Variants in EPHB1 observed in about 807,000 individuals in gnomAD.
EPHB1 encodes the protein EPH receptor B1.
A neutral mutation model predicts 94.4 loss-of-function variants in EPHB1; 30 were observed. The observed-to-expected ratio is 0.32, with a 90% confidence interval of 0.24 to 0.43. The LOEUF is 0.43. EPHB1 is among the 20% of genes least tolerant of loss of function. The probability of loss-of-function intolerance (pLI) is 1.00; values close to 1 mark genes in which losing one functional copy is unlikely to be tolerated. For missense variants in EPHB1, 1,055 were observed against 1,308.3 expected (o/e 0.81, Z 2.99); for synonymous variants, 522 against 489.1 (o/e 1.07, Z -0.89).
At chr3:134,796,597 C>T (rs2108280689) in intron 1 of EPHB1, among the ~76,000 whole-genome samples, 1 of 152,372 alleles carries the variant, frequency 6.6e-6, no homozygotes, top group South Asian at 2.1e-4. Flanking sequence ...GCTCGCGAAT[C>T]CCTGTGGGAA....
At chr3:135,204,295 C>T (rs924826460) in intron 12 of EPHB1, among the ~76,000 whole-genome samples, 4 of 152,132 alleles carry the variant, frequency 2.6e-5, no homozygotes, top group Non-Finnish European at 4.4e-5. Context: ...CCTCTGCCTC[C>T]AGAGTTTAAG....
At chr3:135,088,601 G>A (rs180991283) in intron 3 of EPHB1, among the ~76,000 whole-genome samples, 1 of 152,252 alleles carries the variant, frequency 6.6e-6, no homozygotes, top group East Asian at 1.9e-4. Flanking sequence ...CCTCATAGTT[G>A]AAGATGGCTG....
At chr3:134,806,856 A>G (rs997388503) in intron 1 of EPHB1, among the ~76,000 whole-genome samples, 10 of 152,146 alleles carry the variant, frequency 6.6e-5, no homozygotes, top group Non-Finnish European at 7.4e-5. Context: ...TGTACATATA[A>G]TTTCAGGAAA....
At position 134,885,517 on chromosome 3, in the gene EPHB1, C is replaced by T. The variant is rs562177233; in HGVS notation, c.59-40299C>T. ...TGCCAACGTCCATGTATTTGAGAGG[C>T]AGTCCACCCCAGGTTTGAGGAGAGT... On this transcript the variant is annotated intron_variant, in intron 1 of 15. Coordinates refer to ENST00000398015, the MANE Select transcript of EPHB1 (RefSeq NM_004441.5). 2.4e-4 allele frequency among the ~76,000 whole-genome samples: 36 copies of T among 152,310 alleles called. No homozygotes were observed. The South Asian group carries it at 7.5e-3, about 32-fold the overall frequency.
intron 3 of EPHB1, among the ~76,000 whole-genome samples, chr3:135,097,723 G>A (rs1323839863): frequency 6.6e-6 from 1 of 152,216 alleles, no homozygotes; most frequent in African/African-American, 2.4e-5. Flanking sequence ...ACACAGCTAA[G>A]TGTCTCCTCT....
At chr3:135,036,087 G>C (rs1936636706) in intron 3 of EPHB1, among the ~76,000 whole-genome samples, 1 of 152,112 alleles carries the variant, frequency 6.6e-6, no homozygotes, top group Non-Finnish European at 1.5e-5. Flanking sequence ...CTCTCCAGTG[G>C]CTGCCAGGCT....
chr3:134,835,887 C>A (rs979606818), intron 1 of EPHB1, among the ~76,000 whole-genome samples: 9 of 152,186 alleles, frequency 5.9e-5, no homozygotes. Context: ...CCTGTGGGGT[C>A]CTTTGGTCAT....
chr3:135,042,054 G>T (rs1014963886), intron 3 of EPHB1, among the ~76,000 whole-genome samples: 1 of 152,182 alleles, frequency 6.6e-6, no homozygotes, highest in Admixed American at 6.5e-5. Flanking sequence ...TCAGCCACCT[G>T]AGTAGCTGAG....
At chr3:135,074,156 G>A (rs921411740) in intron 3 of EPHB1, among the ~76,000 whole-genome samples, 2 of 152,118 alleles carry the variant, frequency 1.3e-5, no homozygotes, top group Non-Finnish European at 2.9e-5. Flanking sequence ...CCCTTATTTA[G>A]TTATGGTTTG....
intron 3 of EPHB1, among the ~76,000 whole-genome samples, chr3:134,983,918 A>G (rs754320140): frequency 6.6e-6 from 1 of 152,142 alleles, no homozygotes; most frequent in African/African-American, 2.4e-5. Context: ...TGGTCCCCGC[A>G]ATTCATCTGC....
chr3:135,057,800 C>G (rs1253658321), intron 3 of EPHB1, among the ~76,000 whole-genome samples: 2 of 152,220 alleles, frequency 1.3e-5, no homozygotes. Flanking sequence ...TCCTATGTTG[C>G]ATTTACTGAA....
chr3:135,112,384 A>AT (rs966919267), intron 4 of EPHB1, among the ~76,000 whole-genome samples: 195 of 151,738 alleles, frequency 1.3e-3, no homozygotes, highest in African/African-American at 3.4e-3. Flanking sequence ...AATGAGGGTG[A>AT]TTTTTTTTTA....
At chr3:134,860,797 A>AC (rs1202525466) in intron 1 of EPHB1, among the ~76,000 whole-genome samples, 2 of 120,564 alleles carry the variant, frequency 1.7e-5, no homozygotes, top group African/African-American at 3.0e-5. Flanking sequence ...TGGCCAGGTG[A>AC]CAAAAAAAAA....
intron 3 of EPHB1, among the ~76,000 whole-genome samples, chr3:134,958,413 AGTGT>A (rs3067407): frequency 0.19 from 18,913 of 97,446 alleles, 1,317 homozygotes; most frequent in Non-Finnish European, 0.22. Flanking sequence ...AACACAAGGG[AGTGT>A]GTGTGTGTGT....
intron 12 of EPHB1, among the ~76,000 whole-genome samples, chr3:135,215,123 C>G (rs1943116537): frequency 6.6e-6 from 1 of 152,114 alleles, no homozygotes; most frequent in Non-Finnish European, 1.5e-5. Context: ...ATCCCTATCC[C>G]ATGGCAAGAG....
chr3:134,880,890 G>A (rs1004263689), intron 1 of EPHB1, among the ~76,000 whole-genome samples: 9 of 152,214 alleles, frequency 5.9e-5, no homozygotes, highest in Non-Finnish European at 1.0e-4. Flanking sequence ...GAATATTATC[G>A]CTTTATCTGT....
Position 134,971,252 on chromosome 3 carries a change from G to A in EPHB1, c.805+19200G>A, listed in dbSNP as rs577507983. Among the ~76,000 whole-genome samples the A allele has an allele frequency of 5.3e-5, 8 of 152,324 alleles. No homozygotes were observed. In the South Asian group the frequency reaches 1.7e-3, roughly 32 times the overall value. ...GAAAATAAAGCAGATTAAATAAACT[G>A]GGAGTGGGTTTAGTGGATTCTTGTT... On this transcript the variant is annotated intron_variant, in intron 3 of 15. Transcript: ENST00000398015.
At chr3:135,172,089 G>A (rs535609083) in intron 9 of EPHB1, among the ~76,000 whole-genome samples, 13 of 152,280 alleles carry the variant, frequency 8.5e-5, no homozygotes, top group Non-Finnish European at 1.6e-4. Flanking sequence ...TTAGTTCTGG[G>A]ATCCCATTTC....
At chr3:135,163,724 A>C (rs1319489208) in intron 7 of EPHB1, among the ~76,000 whole-genome samples, 2 of 152,232 alleles carry the variant, frequency 1.3e-5, no homozygotes, top group Non-Finnish European at 1.5e-5. Context: ...TCTCCCAAGA[A>C]GGCTGTTTCT....
Sources: allele counts gnomAD v4.1 joint callset (sites outside exome capture counted in the v4.1 genomes callset), GRCh38; gene constraint gnomAD v4.1.1; transcripts MANE v1.5; gene names NCBI Gene and HGNC (gene_info 2026-07-23, HGNC 2026-07-21).